MEMO1: variants seen among roughly 807,000 people sequenced by gnomAD.
MEMO1 encodes protein MEMO1.
In MEMO1, 6 loss-of-function variants were observed where a neutral mutation model predicts 45.2. The ratio of observed to expected loss-of-function variants is 0.13; its 90% CI spans 0.07 to 0.26. The LOEUF (loss-of-function observed/expected upper bound fraction) is 0.26. Among genes scored for constraint, MEMO1 ranks in the 10% least tolerant of loss-of-function variants. The pLI is 1.00. For synonymous variants in MEMO1, 78 were observed against 124.3 expected, an observed-to-expected ratio of 0.63 and a Z score of 2.48; for missense variants, 184 against 370.5, an observed-to-expected ratio of 0.50 and a Z score of 4.13.
intron 4 of MEMO1, among the ~76,000 whole-genome samples, chr2:31,930,851 G>A (rs1042008110): frequency 6.9e-6 from 1 of 145,116 alleles, no homozygotes; most frequent in African/African-American, 2.7e-5. Flanking sequence ...TAGAGACGGG[G>A]TTTCACCATA....
chr2:32,010,110 G>C (rs969786972), intron 2 of MEMO1, 77 bp downstream of exon 2: 4 of 760,260 alleles, frequency 5.3e-6, no homozygotes, highest in African/African-American at 1.9e-5. Flanking sequence ...CCGCGGGGCC[G>C]GGCCGCCGAC....
chr2:31,944,846 T>A lies in MEMO1; in HGVS notation c.62-1463A>T, dbSNP rs373206128. Among the ~76,000 whole-genome samples, 73 of 152,280 alleles carry A rather than the reference T, an allele frequency of 4.8e-4. 3 individuals carry two copies. The East Asian group carries it at 0.011, about 23-fold the overall frequency. ...CCATTCTTTCTTTTAAAACTTTTAA[T>A]CATTAAATATTTAAACATTACAAAA... On this transcript the variant is annotated intron_variant, in intron 2 of 9. Transcript: ENST00000404530.
At chr2:31,964,095 G>A (rs959239021) in intron 2 of MEMO1, among the ~76,000 whole-genome samples, 9 of 152,030 alleles carry the variant, frequency 5.9e-5, no homozygotes, top group African/African-American at 2.2e-4. Flanking sequence ...TATGGCTTAC[G>A]TTATATTAGA....
intron 2 of MEMO1, among the ~76,000 whole-genome samples, chr2:31,988,613 C>T (rs1311785279): frequency 6.6e-6 from 1 of 152,180 alleles, no homozygotes; most frequent in Non-Finnish European, 1.5e-5. Flanking sequence ...AGCAGTAGCA[C>T]CGAACTACAG....
chr2:31,880,854 A>G (rs1477385201), intron 8 of MEMO1, among the ~76,000 whole-genome samples: 1 of 151,966 alleles, frequency 6.6e-6, no homozygotes, highest in Admixed American at 6.6e-5. Context: ...CCCCATCTCT[A>G]AAAAATAAAA....
chr2:32,001,746 C>T (rs1673343680), intron 2 of MEMO1, among the ~76,000 whole-genome samples: 1 of 152,144 alleles, frequency 6.6e-6, no homozygotes, highest in African/African-American at 2.4e-5. Flanking sequence ...GATGACGTAG[C>T]CTCCTCCAAG....
chr2:31,934,317 A>C (rs1664651530), intron 3 of MEMO1, among the ~76,000 whole-genome samples: 1 of 152,154 alleles, frequency 6.6e-6, no homozygotes, highest in Non-Finnish European at 1.5e-5. Context: ...CTCTAAATCA[A>C]CCTGTCTTTC....
At chr2:31,997,975 G>A (rs1572935910) in intron 2 of MEMO1, among the ~76,000 whole-genome samples, 1 of 152,132 alleles carries the variant, frequency 6.6e-6, no homozygotes, top group Non-Finnish European at 1.5e-5. Context: ...AAAATGCCCA[G>A]GCAAATCTAC....
In MEMO1 at chr2:32,004,470, A is replaced by G. The variant is rs577426895; in HGVS notation, c.61+5717T>C. Among the ~76,000 whole-genome samples the G allele has an allele frequency of 1.1e-4, 16 of 152,294 alleles. No homozygotes were observed. In the South Asian group the frequency reaches 3.1e-3, roughly 30 times the overall value. ...GGAAAATATGAATTAAAACTACACT[A>G]CAATATCACTACACACCCTTCCAGA... is the stretch of plus-strand genomic sequence containing the variant. On this transcript the variant is annotated intron_variant, in intron 2 of 9. Coordinates refer to ENST00000404530, the MANE Select transcript of MEMO1 (RefSeq NM_001301833.4).
intron 2 of MEMO1, among the ~76,000 whole-genome samples, chr2:31,992,337 A>G (rs2116030): frequency 0.97 from 147,753 of 152,330 alleles, 71,708 homozygotes; most frequent in Middle Eastern, 1. Flanking sequence ...CTAGCTGCAA[A>G]GGCACAGATC....
chr2:31,902,997 A>C lies in MEMO1; in HGVS notation c.438-10863T>G, dbSNP rs576589845. 7.9e-5 allele frequency among the ~76,000 whole-genome samples: 12 copies of C among 152,196 alleles called. 1 individual carries two copies. Among genetic ancestry groups the C allele is most frequent in the Admixed American group, 2.0e-4 (3 of 15,284 alleles). On this transcript the variant is annotated intron_variant, in intron 6 of 9. Coordinates refer to ENST00000404530, the MANE Select transcript of MEMO1 (RefSeq NM_001301833.4). ...ATAAGAAAACATTATAATTTAATTG[A>C]AAGTGGTTTATTAATTTGTGGTATA...
intron 4 of MEMO1, among the ~76,000 whole-genome samples, chr2:31,924,248 G>A (rs147161906): frequency 6.6e-6 from 1 of 152,080 alleles, no homozygotes; most frequent in Non-Finnish European, 1.5e-5. Flanking sequence ...AATGAATAGT[G>A]TACATTAAAG....
chr2:31,876,607 T>C (rs1674599011), intron 8 of MEMO1, among the ~76,000 whole-genome samples: 1 of 152,170 alleles, frequency 6.6e-6, no homozygotes, highest in Non-Finnish European at 1.5e-5. Context: ...AATGTCTACC[T>C]AATTGACATC....
chr2:31,986,665 G>A (rs1161615895), intron 2 of MEMO1, among the ~76,000 whole-genome samples: 1 of 152,094 alleles, frequency 6.6e-6, no homozygotes, highest in Non-Finnish European at 1.5e-5. Flanking sequence ...AACAAGACAG[G>A]CAGGTCTACA....
At chr2:31,963,581 C>A (rs762675451) in intron 2 of MEMO1, among the ~76,000 whole-genome samples, 2 of 151,768 alleles carry the variant, frequency 1.3e-5, no homozygotes, top group Non-Finnish European at 2.9e-5. Context: ...GGGGGTGTGA[C>A]CAAATAGTCA....
chr2:32,007,985 G>C (rs535684124), intron 2 of MEMO1, among the ~76,000 whole-genome samples: 24 of 152,220 alleles, frequency 1.6e-4, no homozygotes, highest in African/African-American at 5.8e-4. Flanking sequence ...TAATTTTAAG[G>C]TTCTCTGTGA....
At chr2:31,960,586 C>A (rs938628972) in intron 2 of MEMO1, among the ~76,000 whole-genome samples, 4 of 151,834 alleles carry the variant, frequency 2.6e-5, no homozygotes, top group African/African-American at 9.7e-5. Context: ...AAAGTAAAAT[C>A]TTCTCTATTT....
chr2:31,921,570 A>C (rs1281176745), intron 4 of MEMO1, among the ~76,000 whole-genome samples: 1 of 152,184 alleles, frequency 6.6e-6, no homozygotes, highest in East Asian at 1.9e-4. Flanking sequence ...GTATTTTATT[A>C]AATGGATTTT....
chr2:31,955,096 G>A (rs1326932394), intron 2 of MEMO1, among the ~76,000 whole-genome samples: 1 of 151,966 alleles, frequency 6.6e-6, no homozygotes, highest in African/African-American at 2.4e-5. Flanking sequence ...ACAAAAATTA[G>A]CCGGGTGTGG....
Sources: allele counts gnomAD v4.1 joint callset (sites outside exome capture counted in the v4.1 genomes callset), GRCh38; gene constraint gnomAD v4.1.1; transcripts MANE v1.5; gene names NCBI Gene and HGNC (gene_info 2026-07-23, HGNC 2026-07-21).